CYP3A43: variants seen among roughly 807,000 people sequenced by gnomAD.
CYP3A43 encodes cytochrome P450 3A43.
In CYP3A43, 45 loss-of-function variants were observed where a neutral mutation model predicts 58.0. The ratio of observed to expected loss-of-function variants is 0.78; its 90% CI spans 0.61 to 0.99. The LOEUF (loss-of-function observed/expected upper bound fraction) is 0.99. Among genes scored for constraint, CYP3A43 ranks in the 50% least tolerant of loss-of-function variants. CYP3A43 has a pLI of 0.00. For missense variants in CYP3A43, 593 were observed against 591.9 expected, an observed-to-expected ratio of 1.00 and a Z score of -0.02; for synonymous variants, 191 against 201.4, an observed-to-expected ratio of 0.95 and a Z score of 0.44.
rs529456396 is a variant in CYP3A43 at position 99,829,853 on chromosome 7, A to G, written c.71+1667A>G. ...GGATTGACATTGCTAGGAATGTGAG[A>G]CTGGTTTATACTGGTTTAATGTGAT... On this transcript the variant is annotated intron_variant, in intron 1 of 12. Coordinates refer to ENST00000354829, the MANE Select transcript of CYP3A43 (RefSeq NM_057095.3). Among the ~76,000 whole-genome samples, 15 of 152,278 alleles carry G rather than the reference A, an allele frequency of 9.9e-5. No individual in the cohort carries two copies. In the South Asian group the frequency reaches 3.1e-3, roughly 32 times the overall value.
chr7:99,839,824 G>A (rs186265962), intron 3 of CYP3A43, among the ~76,000 whole-genome samples: 1 of 152,324 alleles, frequency 6.6e-6, no homozygotes, highest in African/African-American at 2.4e-5. Context: ...GACCAGGTGT[G>A]TCATTTGCAT....
intron 10 of CYP3A43, among the ~76,000 whole-genome samples, chr7:99,860,531 TG>T (rs1222618790): frequency 6.6e-6 from 1 of 152,192 alleles, no homozygotes; most frequent in African/African-American, 2.4e-5. Flanking sequence ...TAACACCAAA[TG>T]CTAGCCACGT....
chr7:99,865,794 T>C, intron 12 of CYP3A43, 112 bp from the exon 13 acceptor site: 2 of 607,992 alleles, frequency 3.3e-6, no homozygotes, highest in Non-Finnish European at 5.2e-6. Flanking sequence ...CTGAAAGTAG[T>C]TTTTTTTTAG....
At chr7:99,846,434 T>A (rs1234599445) in intron 4 of CYP3A43, among the ~76,000 whole-genome samples, 7 of 152,192 alleles carry the variant, frequency 4.6e-5, no homozygotes, top group Admixed American at 4.6e-4. Flanking sequence ...GTTGATCTTG[T>A]GTTCTACACC....
intron 1 of CYP3A43, among the ~76,000 whole-genome samples, chr7:99,831,299 A>C (rs929521331): frequency 6.6e-6 from 1 of 152,230 alleles, no homozygotes; most frequent in African/African-American, 2.4e-5. Context: ...TATAAAGAAG[A>C]GAAATCAAGT....
chr7:99,847,959 C>A, intron 5 of CYP3A43: 1 of 589,422 alleles, frequency 1.7e-6, no homozygotes, highest in Non-Finnish European at 3.0e-6. Flanking sequence ...TGCAATGAGC[C>A]AAGATTGCGC....
chr7:99,828,088 A>G lies in CYP3A43; in HGVS notation c.-28A>G, dbSNP rs748390766. 13 of 1,608,176 alleles carry G rather than the reference A, an allele frequency of 8.1e-6. No homozygotes were observed. The highest frequency in any genetic ancestry group is 6.6e-5 in the South Asian group (6 of 90,430). ...GCACACAGCTGAAAGAAAAACTCAG[A>G]AGACAGAGCTGAAAAAGAAAACTGG... On this transcript the variant is annotated 5_prime_UTR_variant, in exon 1 of 13. Transcript: ENST00000354829.
intron 3 of CYP3A43, among the ~76,000 whole-genome samples, chr7:99,841,086 C>T (rs906490724): frequency 1.2e-4 from 19 of 152,152 alleles, no homozygotes; most frequent in African/African-American, 4.6e-4. Context: ...TAATGATGAA[C>T]AGTTTTTAGC....
chr7:99,829,267 A>G (rs1816746766), intron 1 of CYP3A43, among the ~76,000 whole-genome samples: 1 of 152,216 alleles, frequency 6.6e-6, no homozygotes, highest in Non-Finnish European at 1.5e-5. Flanking sequence ...GCTGCCAACA[A>G]AAAGAGCCAA....
At chr7:99,861,495 A>G (rs1416813872) in intron 10 of CYP3A43, 118 bp from the exon 11 acceptor site, 14 of 864,330 alleles carry the variant, frequency 1.6e-5, no homozygotes, top group East Asian at 2.7e-5. Context: ...AAATGCAACA[A>G]TCTTTTACCA....
chr7:99,849,482 T>C (rs1817663096), intron 6 of CYP3A43, 64 bp from the exon 7 acceptor site: 1 of 1,518,580 alleles, frequency 6.6e-7, no homozygotes, highest in Non-Finnish European at 8.8e-7. Context: ...CTTCTTGCTG[T>C]GTGTATAGCA....
Position 99,859,822 on chromosome 7 carries a change from C to T in CYP3A43, c.866-8C>T. Reference sequence around the variant, plus strand: ...ACTTTTCCTAAAATATATTTCCTCTCCTTTCAGCTCTGTCTGATCTGGAGC... The same window carrying T: ...ACTTTTCCTAAAATATATTTCCTCTTCTTTCAGCTCTGTCTGATCTGGAGC... On this transcript the variant is annotated splice_region_variant and splice_polypyrimidine_tract_variant and intron_variant, in intron 9 of 12. Transcript: ENST00000354829. 1.2e-6 allele frequency: 2 copies of T among 1,614,134 alleles called. No homozygotes were observed. Among genetic ancestry groups the T allele is most frequent in the South Asian group, 2.2e-5 (2 of 91,070 alleles).
chr7:99,837,276 G>T (rs1350949599), intron 2 of CYP3A43, among the ~76,000 whole-genome samples: 1 of 141,046 alleles, frequency 7.1e-6, no homozygotes, highest in Non-Finnish European at 1.5e-5. Flanking sequence ...CCGAGATAGC[G>T]CCACTGCACT....
intron 10 of CYP3A43, 123 bp from the exon 11 acceptor site, chr7:99,861,490 C>G: frequency 1.2e-6 from 1 of 833,166 alleles, no homozygotes. Flanking sequence ...TTTATAAATG[C>G]AACAATCTTT....
rs768220804 is a variant in CYP3A43 at position 99,861,616 on chromosome 7, C to T, written c.1030C>T (p.Pro344Ser). 1 of 1,613,744 alleles carries T rather than the reference C, an allele frequency of 6.2e-7. No homozygotes were observed. Among genetic ancestry groups the T allele is most frequent in the Non-Finnish European group, 8.5e-7 (1 of 1,179,832 alleles). ...AAATCTGTTTCTTTCTTCCCAGGCA[C>T]CTGTCACCTACGATGCCCTGGTACA... ...EIDAVLPNKAPVTYDALVQME... is the reference protein window; with the variant it reads ...EIDAVLPNKASVTYDALVQME... The change falls in exon 11 of 13, where the codon CCT becomes TCT. Residue 344 changes from proline to serine, a missense_variant. Pro to Ser is a moderately conservative substitution (Grantham distance 74, BLOSUM62 -1). Coordinates refer to ENST00000354829, the MANE Select transcript of CYP3A43 (RefSeq NM_057095.3).
chr7:99,864,925 C>A, intron 12 of CYP3A43, among the ~76,000 whole-genome samples: 1 of 148,368 alleles, frequency 6.7e-6, no homozygotes, highest in Non-Finnish European at 1.5e-5. Context: ...GAACACTTGT[C>A]ATTTATTTAT....
intron 10 of CYP3A43, among the ~76,000 whole-genome samples, chr7:99,861,199 G>C (rs910705519): frequency 1.3e-5 from 2 of 152,140 alleles, no homozygotes; most frequent in African/African-American, 4.8e-5. Context: ...CATTTTAAAT[G>C]CTTGTATGAA....
chr7:99,834,199 T>C (rs796802581), intron 1 of CYP3A43, among the ~76,000 whole-genome samples: 2 of 152,318 alleles, frequency 1.3e-5, no homozygotes, highest in East Asian at 3.9e-4. Flanking sequence ...CTTGATGTTT[T>C]ATTGGTTATA....
intron 1 of CYP3A43, 106 bp from the exon 2 acceptor site, chr7:99,836,347 G>A: frequency 1.2e-6 from 1 of 811,160 alleles, no homozygotes; most frequent in Admixed American, 2.4e-5. Context: ...TTGCCTCCAT[G>A]TTACCTCCCT....
Sources: allele counts gnomAD v4.1 joint callset (sites outside exome capture counted in the v4.1 genomes callset), GRCh38; gene constraint gnomAD v4.1.1; transcripts MANE v1.5; gene names NCBI Gene and HGNC (gene_info 2026-07-23, HGNC 2026-07-21).